The following GRIA3 variants were observed in gnomAD, a reference collection of about 807,000 sequenced individuals.
GRIA3 encodes glutamate receptor 3.
GRIA3 carries 3 observed loss-of-function variants against 63.0 expected under a neutral mutation model. That is an observed-to-expected ratio of 0.05 (90% CI 0.02 to 0.12). The LOEUF (loss-of-function observed/expected upper bound fraction) is 0.12. Among genes scored for constraint, GRIA3 ranks in the 10% least tolerant of loss-of-function variants. The pLI is 1.00. For missense variants in GRIA3, 347 were observed against 700.9 expected, an observed-to-expected ratio of 0.50 and a Z score of 5.70; for synonymous variants, 274 against 257.9, an observed-to-expected ratio of 1.06 and a Z score of -0.60.
At chrX:123,437,335 G>T (rs2045650501) in intron 12 of GRIA3, among the ~76,000 whole-genome samples, 1 of 110,719 alleles carries the variant, frequency 9.0e-6, no homozygotes, top group Non-Finnish European at 1.9e-5. Flanking sequence ...GGTACGGATA[G>T]GTGCTCCAGG....
chrX:123,304,990 C>T (rs1438230618), intron 3 of GRIA3, among the ~76,000 whole-genome samples: 2 of 111,570 alleles, frequency 1.8e-5, no homozygotes, highest in Admixed American at 9.6e-5. Flanking sequence ...GTCTTCTTTC[C>T]ACCCCATGGT....
chrX:123,321,831 G>C (rs1262520110), intron 3 of GRIA3, among the ~76,000 whole-genome samples: 1 of 111,765 alleles, frequency 8.9e-6, no homozygotes, highest in Non-Finnish European at 1.9e-5. Context: ...AGAAGAGAAG[G>C]ATGCAGGTGA....
At chrX:123,187,457 T>C (rs1432794053) in intron 2 of GRIA3, among the ~76,000 whole-genome samples, 1 of 112,275 alleles carries the variant, frequency 8.9e-6, no homozygotes, top group African/African-American at 3.2e-5. Context: ...AATGTCTGTC[T>C]ATACTTTGCA....
intron 2 of GRIA3, among the ~76,000 whole-genome samples, chrX:123,224,371 G>A (rs2044233950): frequency 9.0e-6 from 1 of 111,262 alleles, no homozygotes; most frequent in Non-Finnish European, 1.9e-5. Flanking sequence ...GCTCTTTTTG[G>A]ACATCTTCAA....
chrX:123,410,774 T>C (rs2045500636), intron 10 of GRIA3, among the ~76,000 whole-genome samples: 1 of 111,512 alleles, frequency 9.0e-6, no homozygotes, highest in Non-Finnish European at 1.9e-5. Context: ...TAAGGACACA[T>C]GAAGTATGCC....
chrX:123,415,190 C>A (rs1459113731), intron 10 of GRIA3, among the ~76,000 whole-genome samples: 1 of 111,835 alleles, frequency 8.9e-6, no homozygotes, highest in Non-Finnish European at 1.9e-5. Context: ...AGCATTTTTT[C>A]ATGTGTCTGT....
chrX:123,439,908 C>T (rs1270145699), intron 12 of GRIA3, among the ~76,000 whole-genome samples: 1 of 110,903 alleles, frequency 9.0e-6, no homozygotes, highest in Non-Finnish European at 1.9e-5. Flanking sequence ...AAGTCCAGTA[C>T]CCAATAGTTA....
chrX:123,408,369 G>A (rs1444270824), intron 10 of GRIA3, among the ~76,000 whole-genome samples: 1 of 111,984 alleles, frequency 8.9e-6, no homozygotes, highest in Non-Finnish European at 1.9e-5. Context: ...GTCACTCTCT[G>A]TAAATAGATC....
chrX:123,345,494 A>ACC (rs1223467768), intron 4 of GRIA3, among the ~76,000 whole-genome samples: 1 of 83,700 alleles, frequency 1.2e-5, no homozygotes, highest in African/African-American at 4.2e-5. Context: ...ACACACACAC[A>ACC]CCTCCTTCCC....
chrX:123,228,235 T>C (rs1387408812), intron 2 of GRIA3, among the ~76,000 whole-genome samples: 8 of 111,913 alleles, frequency 7.1e-5, no homozygotes, highest in Admixed American at 6.6e-4. Flanking sequence ...ATTTCAGCTG[T>C]TCACTGTAAA....
intron 12 of GRIA3, among the ~76,000 whole-genome samples, chrX:123,431,732 C>T (rs1250493087): frequency 8.9e-6 from 1 of 112,062 alleles, no homozygotes; most frequent in African/African-American, 3.2e-5. Flanking sequence ...GTTCTCTCTG[C>T]CTGCAGACCT....
At chrX:123,404,940 A>G (rs1173677574) in intron 10 of GRIA3, 26 bp downstream of exon 10, 1 of 1,008,372 alleles carries the variant, frequency 9.9e-7, no homozygotes, top group African/African-American at 1.9e-5. Flanking sequence ...TTCTGTTTTC[A>G]TTTATTCTGT....
chrX:123,478,628 G>T (rs762106448), intron 13 of GRIA3, among the ~76,000 whole-genome samples: 2 of 112,362 alleles, frequency 1.8e-5, no homozygotes, highest in South Asian at 7.4e-4. Context: ...AAGGAAATAG[G>T]TTTTGGGACT....
intron 4 of GRIA3, among the ~76,000 whole-genome samples, chrX:123,349,177 C>T (rs1383935972): frequency 1.8e-5 from 2 of 112,078 alleles, no homozygotes; most frequent in Non-Finnish European, 3.8e-5. Flanking sequence ...TCATTAAGGA[C>T]GTTTGTGAAG....
intron 2 of GRIA3, chrX:123,204,577 A>G (rs1263405301): frequency 2.6e-6 from 3 of 1,145,653 alleles, no homozygotes; most frequent in Non-Finnish European, 3.5e-6. Context: ...GACAGAAGAA[A>G]CTACCCTCTG....
chrX:123,371,272 T>C (rs940738219), intron 5 of GRIA3, among the ~76,000 whole-genome samples: 1 of 110,344 alleles, frequency 9.1e-6, no homozygotes, highest in Non-Finnish European at 1.9e-5. Flanking sequence ...ATTTTCTTTA[T>C]CCATTCATCT....
chrX:123,261,957 C>A (rs963582073), intron 3 of GRIA3, among the ~76,000 whole-genome samples: 2 of 111,734 alleles, frequency 1.8e-5, no homozygotes, highest in Non-Finnish European at 3.8e-5. Context: ...GGGAATTAAC[C>A]CTCACTAAGC....
chrX:123,440,461 A>G (rs2045668019), intron 12 of GRIA3, among the ~76,000 whole-genome samples: 1 of 112,109 alleles, frequency 8.9e-6, no homozygotes. Context: ...AGCATCTACT[A>G]TTTTTTGACT....
intron 5 of GRIA3, among the ~76,000 whole-genome samples, chrX:123,361,067 C>G (rs941288588): frequency 4.5e-5 from 5 of 110,674 alleles, no homozygotes; most frequent in Non-Finnish European, 7.5e-5. Flanking sequence ...CCCAAACAGG[C>G]AGCCAGGAGC....
Sources: allele counts gnomAD v4.1 joint callset (sites outside exome capture counted in the v4.1 genomes callset), GRCh38; gene constraint gnomAD v4.1.1; transcripts MANE v1.5; gene names NCBI Gene and HGNC (gene_info 2026-07-23, HGNC 2026-07-21).